Variants in VPS13D observed in about 807,000 individuals in gnomAD.
VPS13D encodes the protein intermembrane lipid transfer protein VPS13D.
Under a neutral mutation model 461.9 loss-of-function variants are expected in VPS13D, and 187 were observed. The ratio of observed to expected loss-of-function variants is 0.40; its 90% CI spans 0.36 to 0.46. VPS13D has a LOEUF of 0.46. Ranked by LOEUF, VPS13D falls within the 20% of genes least tolerant of loss-of-function variation. VPS13D has a pLI of 0.60. For missense variants in VPS13D, 4,711 were observed against 5,364.9 expected, an observed-to-expected ratio of 0.88 and a Z score of 3.81; for synonymous variants, 1,951 against 1,986.3, an observed-to-expected ratio of 0.98 and a Z score of 0.47.
intron 25 of VPS13D, among the ~76,000 whole-genome samples, chr1:12,301,787 A>C (rs748083227): frequency 6.6e-6 from 1 of 152,312 alleles, no homozygotes; most frequent in Non-Finnish European, 1.5e-5. Context: ...TTCTAAAGCT[A>C]TTTAAGGGTT....
intron 24 of VPS13D, among the ~76,000 whole-genome samples, chr1:12,298,499 G>A (rs189314580): frequency 2.9e-4 from 44 of 152,222 alleles, no homozygotes; most frequent in Admixed American, 2.6e-3. Context: ...AAATAGCTGG[G>A]CGTTGTGGCA....
intron 60 of VPS13D, among the ~76,000 whole-genome samples, chr1:12,392,020 T>G (rs1436908377): frequency 6.6e-6 from 1 of 151,982 alleles, no homozygotes; most frequent in Non-Finnish European, 1.5e-5. Flanking sequence ...GGTGCCACAC[T>G]TGGCTGATTT....
intron 65 of VPS13D, among the ~76,000 whole-genome samples, chr1:12,441,321 C>T (rs995407856): frequency 6.6e-5 from 10 of 152,158 alleles, no homozygotes; most frequent in African/African-American, 2.4e-4. Flanking sequence ...CTCTATTGCA[C>T]TCGAACTGTG....
At chr1:12,310,558 C>G (rs1642707587) in intron 27 of VPS13D, among the ~76,000 whole-genome samples, 1 of 152,150 alleles carries the variant, frequency 6.6e-6, no homozygotes, top group Non-Finnish European at 1.5e-5. Context: ...CAGAGTTTAT[C>G]CTCATGTCCC....
rs750934697 is a variant in VPS13D, at chr1:12,278,027, A to G, written c.4439A>G (p.His1480Arg). 4 of 1,612,750 alleles carry G rather than the reference A, an allele frequency of 2.5e-6. No individual in the cohort carries two copies. Among genetic ancestry groups the G allele is most frequent in the South Asian group, 1.1e-5 (1 of 90,902 alleles). Residue 1480 changes from histidine to arginine, a missense_variant, in exon 19 of 70, where the codon CAT becomes CGT. By Grantham distance (29) the His-to-Arg change is conservative. Coordinates refer to ENST00000620676, the MANE Select transcript of VPS13D (RefSeq NM_015378.4). ...CGACATGATTTCTTTGAATCTTTGC[A>G]TAGAGGTCAAGGTGAGGAGCATCAG... is the stretch of plus-strand genomic sequence containing the variant. Reference protein sequence around the residue: ...FTRHDFFESLHRGQAFHILNN... With the variant: ...FTRHDFFESLRRGQAFHILNN...
At position 12,327,766 on chromosome 1, in the gene VPS13D, C is replaced by G. The variant is rs201607970; in HGVS notation, c.8109C>G (p.Gly2703=). 2.4e-5 allele frequency: 38 copies of G among 1,613,970 alleles called. No individual in the cohort carries two copies. The highest frequency in any genetic ancestry group is 3.2e-5 in the Non-Finnish European group (38 of 1,180,012). The change falls in exon 36 of 70, where the codon GGC becomes GGG. Residue 2703 remains glycine (G), a synonymous_variant. Transcript: ENST00000620676. Reference sequence around the variant, plus strand: ...CTGTGGCAGCGCCATTGATCTCTGGCGTGGAGATCAAAGCTGAGAGTGTGT... The same window carrying G: ...CTGTGGCAGCGCCATTGATCTCTGGGGTGGAGATCAAAGCTGAGAGTGTGT... ...PGAVAAPLIS[G]VEIKAESVCI... is the part of the protein sequence containing the mutation.
chr1:12,366,682 A>G (rs1220394452), intron 52 of VPS13D, among the ~76,000 whole-genome samples: 1 of 152,216 alleles, frequency 6.6e-6, no homozygotes, highest in Non-Finnish European at 1.5e-5. Flanking sequence ...GACCTATGCC[A>G]TCTATTTCAT....
At position 12,266,862 on chromosome 1, in the gene VPS13D, T is replaced by C. The variant is rs1641286927; in HGVS notation, c.1595-19T>C. 1.3e-6 allele frequency: 2 copies of C among 1,543,318 alleles called. No homozygotes were observed. The highest frequency in any genetic ancestry group is 1.4e-5 in the African/African-American group (1 of 72,332). The stretch of plus-strand genomic sequence containing the variant: ...GCTCTCATAAGCATTGTATCAACTA[T>C]TTTATTTATCTTTTATAGATGTAAA... On this transcript the variant is annotated intron_variant, in intron 13 of 69. Transcript: ENST00000620676.
Position 12,355,986 on chromosome 1 carries a change from ACGTCAACCGTCGGCAGCTGAACCT to A in VPS13D, c.9769_9792del (p.Val3257_Leu3264del). ...TATATGGTGAGAATGCGACTCTATG[ACGTCAACCGTCGGCAGCTGAACCT>A]CACCATCCGGATTGTGTGTCGAGCA... On this transcript the variant is annotated inframe_deletion, in exon 48 of 70. Coordinates refer to ENST00000620676, the MANE Select transcript of VPS13D (RefSeq NM_015378.4). The A allele has an allele frequency of 6.2e-7, 1 of 1,613,830 alleles. No individual in the cohort carries two copies. The highest frequency in any genetic ancestry group is 8.5e-7 in the Non-Finnish European group (1 of 1,179,846).
chr1:12,277,095 A>G lies in VPS13D; in HGVS notation c.3507A>G (p.Glu1169=), dbSNP rs754229295. 6.2e-7 allele frequency: 1 copy of G among 1,614,096 alleles called. No individual in the cohort carries two copies. The highest frequency in any genetic ancestry group is 2.2e-5 in the East Asian group (1 of 44,898). ...AACAAAACACTGAGGTTGCAGTGGA[A>G]ATCCATAGGCTGAACTTACTGCTTC... ...TYEQNTEVAV[E]IHRLNLLLLR... is the part of the protein sequence containing the mutation. The change falls in exon 19 of 70, where the codon GAA becomes GAG. Residue 1169 remains glutamate (E), a synonymous_variant. Coordinates refer to ENST00000620676, the MANE Select transcript of VPS13D (RefSeq NM_015378.4).
chr1:12,322,000 C>G (rs1042912288), intron 33 of VPS13D, 36 bp downstream of exon 33: 7 of 1,608,084 alleles, frequency 4.4e-6, no homozygotes, highest in Non-Finnish European at 5.9e-6. Flanking sequence ...CGTTGATATG[C>G]TCTCAAACAC....
At position 12,356,070 on chromosome 1, in the gene VPS13D, A is replaced by T; in HGVS notation, c.9851A>T (p.Tyr3284Phe). The T allele has an allele frequency of 6.2e-7, 1 of 1,611,214 alleles. No individual in the cohort carries two copies. Among genetic ancestry groups the T allele is most frequent in the South Asian group, 1.1e-5 (1 of 90,782 alleles). The change falls in exon 48 of 70, where the codon TAT (tyrosine) becomes TTT (phenylalanine). Residue 3284 changes from tyrosine (Y) to phenylalanine (F), a missense_variant. Tyr to Phe is a conservative substitution (Grantham distance 22). This residue lies in a region of VPS13D where 4,411 missense variants were observed against 4,937.8 expected (regional missense o/e 0.89). Coordinates refer to ENST00000620676, the MANE Select transcript of VPS13D (RefSeq NM_015378.4). The part of the protein sequence containing the change: ...GSLKIFISAP[Y>F]WLINKTGLPL... ...TTAAAGATCTTCATTTCTGCTCCAT[A>T]TTGGCTGATTAACAAAACAGGTACA...
At chr1:12,484,035 A>G (rs1645761834) in intron 67 of VPS13D, among the ~76,000 whole-genome samples, 1 of 151,764 alleles carries the variant, frequency 6.6e-6, no homozygotes. Flanking sequence ...GGCTTCAGCC[A>G]GATGTTTTTG....
At chr1:12,319,459 C>A (rs961354446) in intron 31 of VPS13D, 38 bp from the exon 32 acceptor site, 1 of 1,610,624 alleles carries the variant, frequency 6.2e-7, no homozygotes, top group Non-Finnish European at 8.5e-7. Flanking sequence ...TTTCCAGCTT[C>A]CCAGCTCTGG....
intron 41 of VPS13D, among the ~76,000 whole-genome samples, chr1:12,342,288 A>G (rs1489779200): frequency 1.3e-5 from 2 of 152,126 alleles, no homozygotes; most frequent in Non-Finnish European, 2.9e-5. Context: ...TTCTCCCTCT[A>G]TCCCTAAAGA....
Position 12,319,484 on chromosome 1 carries a change from T to A in VPS13D, c.7415-13T>A. ...CCCAGCTCTGGCTTGATTGACGACG[T>A]TGTCCTTTCCAGGTACGGAGTTTGT... is the stretch of plus-strand genomic sequence containing the variant. On this transcript the variant is annotated splice_polypyrimidine_tract_variant and intron_variant, in intron 31 of 69. Transcript: ENST00000620676. 1 of 1,613,998 alleles carries A rather than the reference T, an allele frequency of 6.2e-7. No individual in the cohort carries two copies. The highest frequency in any genetic ancestry group is 8.5e-7 in the Non-Finnish European group (1 of 1,179,878).
intron 7 of VPS13D, among the ~76,000 whole-genome samples, chr1:12,254,684 C>T (rs982698379): frequency 6.6e-6 from 1 of 151,690 alleles, no homozygotes; most frequent in African/African-American, 2.4e-5. Context: ...CCAACATGCC[C>T]AGCTAATGTT....
At chr1:12,285,915 G>A (rs1360955025) in intron 21 of VPS13D, among the ~76,000 whole-genome samples, 2 of 151,134 alleles carry the variant, frequency 1.3e-5, no homozygotes, top group African/African-American at 2.5e-5. Context: ...ATAAAATGAT[G>A]CATGAATTTC....
intron 2 of VPS13D, among the ~76,000 whole-genome samples, chr1:12,241,703 C>G (rs906724577): frequency 6.6e-6 from 1 of 152,106 alleles, no homozygotes; most frequent in Non-Finnish European, 1.5e-5. Flanking sequence ...GCTTTCTGAT[C>G]GGTTATTACA....
Sources: gnomAD v4.1 joint callset for allele counts (sites outside exome capture counted in the v4.1 genomes callset) on GRCh38, gnomAD v4.1.1 for gene constraint, gnomAD v4.1.1 regional missense constraint, MANE v1.5 for transcripts, NCBI Gene and HGNC (gene_info 2026-07-23, HGNC 2026-07-21) for gene names.